The following NKAIN3 variants were observed in gnomAD, a reference collection of about 807,000 sequenced individuals.
NKAIN3 encodes the protein sodium/potassium transporting ATPase interacting 3.
A neutral mutation model predicts 30.2 loss-of-function variants in NKAIN3; 25 were observed. That is an observed-to-expected ratio of 0.83 (90% CI 0.60 to 1.16). The LOEUF (loss-of-function observed/expected upper bound fraction) is 1.16, where lower values mean the gene tolerates loss of function less well. Ranked by LOEUF, NKAIN3 falls within the 50% of genes most tolerant of loss-of-function variation. The pLI is 0.00. For missense variants in NKAIN3, 225 were observed against 254.1 expected, an observed-to-expected ratio of 0.89 and a Z score of 0.78; for synonymous variants, 91 against 89.6, an observed-to-expected ratio of 1.02 and a Z score of -0.09.
At chr8:62,457,068 G>T (rs938938884) in intron 1 of NKAIN3, among the ~76,000 whole-genome samples, 1 of 152,100 alleles carries the variant, frequency 6.6e-6, no homozygotes, top group African/African-American at 2.4e-5. Context: ...GCATGTAGTA[G>T]GTGCTTAAGT....
chr8:62,327,622 A>G (rs1815187175), intron 1 of NKAIN3, among the ~76,000 whole-genome samples: 1 of 152,048 alleles, frequency 6.6e-6, no homozygotes, highest in African/African-American at 2.4e-5. Context: ...GTTTGACCAC[A>G]TATATGAAAA....
At chr8:62,895,779 T>C (rs1821411578) in intron 4 of NKAIN3, among the ~76,000 whole-genome samples, 1 of 152,114 alleles carries the variant, frequency 6.6e-6, no homozygotes, top group Admixed American at 6.6e-5. Flanking sequence ...GCTGGGTCCT[T>C]CCTCCTATCC....
intron 1 of NKAIN3, among the ~76,000 whole-genome samples, chr8:62,325,074 C>T (rs911646192): frequency 6.6e-6 from 1 of 152,014 alleles, no homozygotes; most frequent in Non-Finnish European, 1.5e-5. Flanking sequence ...TTTTTGTGCA[C>T]CTGTCACCCA....
intron 1 of NKAIN3, among the ~76,000 whole-genome samples, chr8:62,489,761 G>C (rs553547849): frequency 6.6e-6 from 1 of 152,208 alleles, no homozygotes; most frequent in South Asian, 2.1e-4. Flanking sequence ...AAACTTTCTT[G>C]ACATGCAAAC....
In NKAIN3 at chr8:62,391,258, G is replaced by A. The variant is rs148888864; in HGVS notation, c.54+142131G>A. Among the ~76,000 whole-genome samples the A allele has an allele frequency of 6.3e-3, 962 of 152,200 alleles. 10 individuals carry two copies. The highest frequency in any genetic ancestry group is 0.022 in the African/African-American group (919 of 41,538). ...ATGTACCTTATCTTTGGTATCCTGG[G>A]AATTTTTCTGAATTGTTTTGTATAG... is the stretch of plus-strand genomic sequence containing the variant. On this transcript the variant is annotated intron_variant, in intron 1 of 6. Coordinates refer to ENST00000623646, the MANE Select transcript of NKAIN3 (RefSeq NM_001304533.3).
At chr8:62,866,890 C>CAAAAAAAAAA (rs59832626) in intron 4 of NKAIN3, among the ~76,000 whole-genome samples, 8 of 125,882 alleles carry the variant, frequency 6.4e-5, no homozygotes, top group African/African-American at 2.5e-4. Context: ...ACTAAAAATA[C>CAAAAAAAAAA]AAAAAAAAAA....
intron 3 of NKAIN3, among the ~76,000 whole-genome samples, chr8:62,591,187 T>C (rs538708816): frequency 2.1e-4 from 32 of 152,034 alleles, no homozygotes; most frequent in African/African-American, 7.7e-4. Context: ...TTTTTTCTTC[T>C]ATATACACTA....
chr8:62,663,534 G>C lies in NKAIN3; in HGVS notation c.273+73740G>C, dbSNP rs561160816. Among the ~76,000 whole-genome samples, 585 of 152,238 alleles carry C rather than the reference G, an allele frequency of 3.8e-3. 3 individuals carry two copies. Among genetic ancestry groups the C allele is most frequent in the African/African-American group, 0.012 (517 of 41,546 alleles). ...ATGTTGGGGAGTTAGGTGACACTGGGGCAGGGAGAGATTATGAGACAATCT... is the reference window on the plus strand; with the variant it reads ...ATGTTGGGGAGTTAGGTGACACTGGCGCAGGGAGAGATTATGAGACAATCT... On this transcript the variant is annotated intron_variant, in intron 3 of 6. Transcript: ENST00000623646.
At chr8:62,556,156 A>G (rs1461901357) in intron 1 of NKAIN3, among the ~76,000 whole-genome samples, 1 of 152,028 alleles carries the variant, frequency 6.6e-6, no homozygotes, top group East Asian at 1.9e-4. Context: ...ACATTGACTG[A>G]ATAAAATAAT....
At chr8:62,743,228 T>C (rs530671939) in intron 3 of NKAIN3, among the ~76,000 whole-genome samples, 1 of 152,306 alleles carries the variant, frequency 6.6e-6, no homozygotes, top group East Asian at 1.9e-4. Flanking sequence ...TAAAATGTTA[T>C]TTTCTGTGTG....
At chr8:62,345,486 T>C (rs148359727) in intron 1 of NKAIN3, among the ~76,000 whole-genome samples, 105,788 of 117,660 alleles carry the variant, frequency 0.9, 48,386 homozygotes, top group South Asian at 0.94. Context: ...CATATATGTA[T>C]ATATACACAC....
intron 1 of NKAIN3, among the ~76,000 whole-genome samples, chr8:62,274,174 A>G (rs1020413717): frequency 1.3e-5 from 2 of 152,144 alleles, no homozygotes; most frequent in Non-Finnish European, 2.9e-5. Context: ...TAAACTTATT[A>G]TTATTTGTTT....
Position 62,796,383 on chromosome 8 carries a change from CAAAAAAAA to C in NKAIN3, c.471+49276_471+49283del, listed in dbSNP as rs71255362. Among the ~76,000 whole-genome samples the C allele has an allele frequency of 1.1e-4, 6 of 53,744 alleles. No homozygotes were observed. The Admixed American group carries it at 1.6e-3, about 14-fold the overall frequency. 35.3% of individuals were successfully genotyped at this position (53,744 alleles called of 152,430 possible). On this transcript the variant is annotated intron_variant, in intron 4 of 6. Transcript: ENST00000623646. ...TGAGCAACAAAGTGAGACTCTGTCT[CAAAAAAAA>C]AAAAAAAAAAAAAAAAAAAAAGTCA...
chr8:62,430,305 T>C (rs1804951220), intron 1 of NKAIN3, among the ~76,000 whole-genome samples: 1 of 151,672 alleles, frequency 6.6e-6, no homozygotes, highest in Non-Finnish European at 1.5e-5. Context: ...AATACTGCTG[T>C]GATATTATTC....
chr8:62,984,135 G>A lies in NKAIN3; in HGVS notation c.*18728G>A, dbSNP rs1824150189. 1 of 152,146 alleles carries A rather than the reference G, an allele frequency of 6.6e-6. No homozygotes were observed. The highest frequency in any genetic ancestry group is 1.5e-5 in the Non-Finnish European group (1 of 68,026). 9.4% of individuals were successfully genotyped at this position (152,146 alleles called of 1,614,324 possible). On this transcript the variant is annotated 3_prime_UTR_variant, in exon 7 of 7. Coordinates refer to ENST00000623646, the MANE Select transcript of NKAIN3 (RefSeq NM_001304533.3). Reference sequence around the variant, plus strand: ...TGTTGATGATGATTATTGAAAGCACGATAGCAATGTTTAAGTGGTGAGAAT... The same window carrying A: ...TGTTGATGATGATTATTGAAAGCACAATAGCAATGTTTAAGTGGTGAGAAT...
intron 6 of NKAIN3, among the ~76,000 whole-genome samples, chr8:62,964,535 A>AGT (rs1224306701): frequency 1.0e-4 from 10 of 100,102 alleles, no homozygotes; most frequent in South Asian, 3.4e-4. Flanking sequence ...AGAGAGAGAG[A>AGT]GAGTGTGTGT....
chr8:62,384,264 G>A (rs937752929), intron 1 of NKAIN3, among the ~76,000 whole-genome samples: 1 of 152,092 alleles, frequency 6.6e-6, no homozygotes. Flanking sequence ...TGAATTTATT[G>A]GAGTAGTGCA....
intron 4 of NKAIN3, among the ~76,000 whole-genome samples, chr8:62,839,840 A>T (rs12680865): frequency 8.6e-5 from 13 of 151,916 alleles, no homozygotes; most frequent in South Asian, 4.2e-4. Context: ...TCTCGAACTC[A>T]GGCCTCAAGC....
chr8:62,365,900 G>A, intron 1 of NKAIN3, among the ~76,000 whole-genome samples: 1 of 151,972 alleles, frequency 6.6e-6, no homozygotes, highest in East Asian at 1.9e-4. Context: ...AAATTTTAAG[G>A]GTAATACTGG....
Sources: gnomAD v4.1 joint callset for allele counts (sites outside exome capture counted in the v4.1 genomes callset) on GRCh38, gnomAD v4.1.1 for gene constraint, MANE v1.5 for transcripts, NCBI Gene and HGNC (gene_info 2026-07-23, HGNC 2026-07-21) for gene names.